CNOT7: variants seen among roughly 807,000 people sequenced by gnomAD.
The protein encoded by CNOT7 is BTG1-binding factor 1.
Under a neutral mutation model 37.1 loss-of-function variants are expected in CNOT7, and 4 were observed. That is an observed-to-expected ratio of 0.11 (90% confidence interval 0.05 to 0.25). CNOT7 has a LOEUF of 0.25. Ranked by LOEUF, CNOT7 falls within the 10% of genes least tolerant of loss-of-function variation. The pLI is 1.00. For synonymous variants in CNOT7, 128 were observed against 115.6 expected, an observed-to-expected ratio of 1.11 and a Z score of -0.69; for missense variants, 170 against 336.2, an observed-to-expected ratio of 0.51 and a Z score of 3.87.
At chr8:17,237,182 C>T (rs770064775) in intron 4 of CNOT7, 30 bp downstream of exon 4, 1 of 1,607,874 alleles carries the variant, frequency 6.2e-7, no homozygotes, top group Non-Finnish European at 8.5e-7. Flanking sequence ...GATGGAAAAA[C>T]AAATGCCATT....
chr8:17,242,381 A>C (rs1810302303), intron 3 of CNOT7: 1 of 152,226 alleles, frequency 6.6e-6, no homozygotes, highest in Admixed American at 6.5e-5. Context: ...TTAATAATAC[A>C]GAAATATTAT....
intron 5 of CNOT7, 73 bp from the exon 6 acceptor site, chr8:17,232,610 G>A: frequency 1.6e-6 from 2 of 1,285,994 alleles, no homozygotes; most frequent in Non-Finnish European, 2.2e-6. Context: ...TATAAACTTA[G>A]ACGCTGACCA....
chr8:17,233,130 A>G (rs1370358633), intron 5 of CNOT7, among the ~76,000 whole-genome samples: 1 of 152,162 alleles, frequency 6.6e-6, no homozygotes, highest in Admixed American at 6.5e-5. Flanking sequence ...ATGAGAGTGG[A>G]AAGAGTGGAA....
intron 3 of CNOT7, 76 bp downstream of exon 3, chr8:17,242,916 T>C (rs1810386257): frequency 1.0e-6 from 1 of 970,594 alleles, no homozygotes; most frequent in East Asian, 2.8e-5. Flanking sequence ...CATGTCACCA[T>C]ACTTGAGGAA....
chr8:17,235,010 A>C (rs954090918), intron 4 of CNOT7, 150 bp from the exon 5 acceptor site: 6 of 636,926 alleles, frequency 9.4e-6, no homozygotes, highest in Non-Finnish European at 1.6e-5. Context: ...AGAGAAAACA[A>C]ACATATTGAG....
At position 17,225,387 on chromosome 8, in the gene CNOT7, A is replaced by G. The variant is rs968102442; in HGVS notation, c.*5333T>C. 3 of 151,774 alleles carry G rather than the reference A, an allele frequency of 2.0e-5. No individual in the cohort carries two copies. Among genetic ancestry groups the G allele is most frequent in the African/African-American group, 7.2e-5 (3 of 41,422 alleles). The allele number at this position is 151,774 out of a possible 1,614,324, so 9.4% of individuals were successfully genotyped here. On this transcript the variant is annotated 3_prime_UTR_variant, in exon 7 of 7. Transcript: ENST00000361272. ...AAAAAATTCCTCCATACCAGGAAGG[A>G]GAGTATTGACCAGTTTATCTTTAAA...
At chr8:17,239,977 T>G (rs1457965683) in intron 3 of CNOT7, among the ~76,000 whole-genome samples, 1 of 152,172 alleles carries the variant, frequency 6.6e-6, no homozygotes, top group East Asian at 1.9e-4. Context: ...ACTTAGGCAA[T>G]AGAGAGAAAA....
At chr8:17,239,107 C>T (rs1809790210) in intron 3 of CNOT7, among the ~76,000 whole-genome samples, 1 of 152,236 alleles carries the variant, frequency 6.6e-6, no homozygotes, top group Admixed American at 6.5e-5. Context: ...ATCCAGGAAG[C>T]AGTGGCTTGA....
chr8:17,229,768 C>T lies in CNOT7; in HGVS notation c.*952G>A. Reference sequence around the variant, plus strand: ...GTACAAAATATACCTAAAGACTTATCTTTGGATTTTTAATAAAATTGATTT... The same window carrying T: ...GTACAAAATATACCTAAAGACTTATTTTTGGATTTTTAATAAAATTGATTT... On this transcript the variant is annotated 3_prime_UTR_variant, in exon 7 of 7. Transcript: ENST00000361272. 2 of 150,696 alleles carry T rather than the reference C, an allele frequency of 1.3e-5. No homozygotes were observed. The highest frequency in any genetic ancestry group is 6.9e-3 in the Middle Eastern group (2 of 290). The allele number at this position is 150,696 out of a possible 1,614,324, so 9.3% of individuals were successfully genotyped here.
intron 4 of CNOT7, 91 bp from the exon 5 acceptor site, chr8:17,234,951 T>C: frequency 8.9e-7 from 1 of 1,119,140 alleles, no homozygotes. Context: ...TTTAAGCAAG[T>C]CACACTAGAG....
rs1808095129 is a variant in CNOT7 at position 17,225,518 on chromosome 8, T to C, written c.*5202A>G. On this transcript the variant is annotated 3_prime_UTR_variant, in exon 7 of 7. Coordinates refer to ENST00000361272, the MANE Select transcript of CNOT7 (RefSeq NM_013354.7). ...TAAAGAGAAATTGCTCAATTGCTTTTATACTAAACGTTAAATGTAACTAAT... is the reference window on the plus strand; with the variant it reads ...TAAAGAGAAATTGCTCAATTGCTTTCATACTAAACGTTAAATGTAACTAAT... The C allele has an allele frequency of 6.6e-6, 1 of 151,774 alleles. No individual in the cohort carries two copies. The allele number at this position is 151,774 out of a possible 1,614,324, so 9.4% of individuals were successfully genotyped here.
chr8:17,236,946 G>A (rs559640308), intron 4 of CNOT7, among the ~76,000 whole-genome samples: 1 of 152,256 alleles, frequency 6.6e-6, no homozygotes, highest in South Asian at 2.1e-4. Context: ...TGGCGCCGCT[G>A]GATTTAAACC....
rs1808470840 is a variant in CNOT7 at position 17,230,433 on chromosome 8, G to C, written c.*287C>G. ...AATAAACCAAACTCAAGTCGGTAAAGTTTATCAAAATATTCAATGATGTAG... is the reference window on the plus strand; with the variant it reads ...AATAAACCAAACTCAAGTCGGTAAACTTTATCAAAATATTCAATGATGTAG... On this transcript the variant is annotated 3_prime_UTR_variant, in exon 7 of 7. Coordinates refer to ENST00000361272, the MANE Select transcript of CNOT7 (RefSeq NM_013354.7). 2 of 199,082 alleles carry C rather than the reference G, an allele frequency of 1.0e-5. 1 individual carries two copies. The highest frequency in any genetic ancestry group is 3.7e-4 in the South Asian group (2 of 5,380). The allele number at this position is 199,082 out of a possible 1,614,324, so 12.3% of individuals were successfully genotyped here. A position where few individuals can be genotyped will look rare whatever the true frequency, so the allele number is the denominator to read the frequency against.
At chr8:17,246,117 G>T (rs1180401838) in intron 1 of CNOT7, 1 of 151,988 alleles carries the variant, frequency 6.6e-6, no homozygotes, top group African/African-American at 2.4e-5. Flanking sequence ...ACACACATAA[G>T]CACAAAAACA....
At chr8:17,243,506 C>G in intron 2 of CNOT7, 1 of 499,974 alleles carries the variant, frequency 2.0e-6, no homozygotes, top group Non-Finnish European at 3.9e-6. Context: ...TGAAATGATG[C>G]TCACAGTATT....
intron 4 of CNOT7, among the ~76,000 whole-genome samples, chr8:17,236,963 T>A (rs949849746): frequency 2.0e-5 from 3 of 152,202 alleles, no homozygotes; most frequent in African/African-American, 7.2e-5. Flanking sequence ...AACCAGGGTC[T>A]TTCACTTTTT....
rs755545345 is a variant in CNOT7, at chr8:17,234,870, G to T, written c.474-10C>A. ...GCCAAAGTCGTAACCGCTATAAAAG[G>T]GTTAAAAGAATAGAGAAGAGGGACA... On this transcript the variant is annotated splice_polypyrimidine_tract_variant and intron_variant, in intron 4 of 6. Transcript: ENST00000361272. 2 of 1,611,874 alleles carry T rather than the reference G, an allele frequency of 1.2e-6. No homozygotes were observed. The highest frequency in any genetic ancestry group is 2.2e-5 in the East Asian group (1 of 44,834).
rs964987069 is a variant in CNOT7, at chr8:17,226,442, T to C, written c.*4278A>G. The C allele has an allele frequency of 6.6e-6, 1 of 151,784 alleles. No homozygotes were observed. The highest frequency in any genetic ancestry group is 2.4e-5 in the African/African-American group (1 of 41,428). The allele number at this position is 151,784 out of a possible 1,614,324, so 9.4% of individuals were successfully genotyped here. On this transcript the variant is annotated 3_prime_UTR_variant, in exon 7 of 7. Coordinates refer to ENST00000361272, the MANE Select transcript of CNOT7 (RefSeq NM_013354.7). ...ACATCCACCCATGAGCATGTGATTT[T>C]AGTTAAGCATATTCATCACTTGTAA...
chr8:17,236,890 G>C (rs574459745), intron 4 of CNOT7, among the ~76,000 whole-genome samples: 5 of 152,262 alleles, frequency 3.3e-5, no homozygotes, highest in Non-Finnish European at 7.4e-5. Flanking sequence ...TAAAAACTAA[G>C]GTGTAGAAAT....
Sources: gnomAD v4.1 joint callset for allele counts (sites outside exome capture counted in the v4.1 genomes callset) on GRCh38, gnomAD v4.1.1 for gene constraint, MANE v1.5 for transcripts, NCBI Gene and HGNC (gene_info 2026-07-23, HGNC 2026-07-21) for gene names.